The following PCDH15 variants were observed in gnomAD, a reference collection of about 807,000 sequenced individuals.
PCDH15 encodes the protein protocadherin related 15.
Under a neutral mutation model 178.5 loss-of-function variants are expected in PCDH15, and 129 were observed. The observed-to-expected ratio is 0.72, with a 90% CI of 0.63 to 0.84. The LOEUF is 0.84. Among genes scored for constraint, PCDH15 ranks in the 40% least tolerant of loss-of-function variants. PCDH15 has a pLI of 0.00. For synonymous variants in PCDH15, 800 were observed against 732.0 expected (o/e 1.09, Z -1.50); for missense variants, 2,230 against 2,099.9 (o/e 1.06, Z -1.21).
intron 3 of PCDH15, among the ~76,000 whole-genome samples, chr10:54,489,695 C>T (rs1443611869): frequency 2.0e-5 from 3 of 152,098 alleles, no homozygotes; most frequent in Non-Finnish European, 4.4e-5. Context: ...TATCCTTATA[C>T]TTATTTTTAA....
intron 3 of PCDH15, among the ~76,000 whole-genome samples, chr10:54,840,459 T>C (rs1179637418): frequency 2.0e-5 from 3 of 151,052 alleles, no homozygotes; most frequent in African/African-American, 7.3e-5. Flanking sequence ...AAAATATAAA[T>C]AGAGAAAAAT....
At chr10:55,075,087 T>C (rs917592177) in intron 2 of PCDH15, among the ~76,000 whole-genome samples, 1 of 152,172 alleles carries the variant, frequency 6.6e-6, no homozygotes, top group African/African-American at 2.4e-5. Flanking sequence ...TCTGTTTTTG[T>C]ACCAGTACCA....
At chr10:53,867,917 G>T (rs371973971) in intron 26 of PCDH15, among the ~76,000 whole-genome samples, 1 of 151,800 alleles carries the variant, frequency 6.6e-6, no homozygotes, top group South Asian at 2.1e-4. Flanking sequence ...TTTGTTCCTG[G>T]TGATAGGTAC....
chr10:54,181,579 G>T (rs2047990215), intron 13 of PCDH15, among the ~76,000 whole-genome samples: 1 of 151,864 alleles, frequency 6.6e-6, no homozygotes, highest in East Asian at 1.9e-4. Flanking sequence ...GTCTTTTGTT[G>T]CCATCAGCAG....
At chr10:53,915,346 C>A (rs751387282) in intron 25 of PCDH15, among the ~76,000 whole-genome samples, 16 of 152,150 alleles carry the variant, frequency 1.1e-4, no homozygotes, top group Non-Finnish European at 2.4e-4. Flanking sequence ...TTTTTATATA[C>A]TATTCATTTT....
At chr10:53,925,393 G>T (rs2084437988) in intron 25 of PCDH15, among the ~76,000 whole-genome samples, 1 of 152,192 alleles carries the variant, frequency 6.6e-6, no homozygotes. Context: ...GAACCCACCA[G>T]AAGGAAGAAA....
chr10:54,323,810 C>T (rs144617574), intron 7 of PCDH15, among the ~76,000 whole-genome samples: 66 of 147,264 alleles, frequency 4.5e-4, no homozygotes, highest in East Asian at 1.8e-3. Flanking sequence ...ATATGTACTC[C>T]CTGTGCTTAA....
At chr10:54,306,271 G>A (rs2060462198) in intron 8 of PCDH15, among the ~76,000 whole-genome samples, 1 of 151,724 alleles carries the variant, frequency 6.6e-6, no homozygotes, top group African/African-American at 2.4e-5. Context: ...TTTCATCAGG[G>A]GCCCTGTATT....
intron 11 of PCDH15, among the ~76,000 whole-genome samples, chr10:54,186,087 G>C (rs1474069698): frequency 6.6e-6 from 1 of 151,948 alleles, no homozygotes; most frequent in African/African-American, 2.4e-5. Flanking sequence ...AAGAAGGCTA[G>C]CACTGATGTC....
rs1450011545 is a variant in PCDH15, at chr10:54,881,600, A to T, written c.-29+15850T>A. 5.3e-5 allele frequency among the ~76,000 whole-genome samples: 8 copies of T among 152,160 alleles called. No homozygotes were observed. The East Asian group carries it at 1.5e-3, about 29-fold the overall frequency. Reference sequence around the variant, plus strand: ...TCCTGATGCAAAGACTTCAAAGTTAATTTGCTAAGTGGGACATCACAATTA... The same window carrying T: ...TCCTGATGCAAAGACTTCAAAGTTATTTTGCTAAGTGGGACATCACAATTA... On this transcript the variant is annotated intron_variant, in intron 3 of 5. Transcript: ENST00000458638.
chr10:55,158,078 G>GTATA (rs1176916491), intron 2 of PCDH15, among the ~76,000 whole-genome samples: 2,231 of 117,136 alleles, frequency 0.019, 54 homozygotes, highest in African/African-American at 0.07. Flanking sequence ...GTATGTGTGT[G>GTATA]TATATATATA....
Position 53,959,122 on chromosome 10 carries a change from A to G in PCDH15, c.3122+610T>C, listed in dbSNP as rs76979354. Among the ~76,000 whole-genome samples, 60 of 149,282 alleles carry G rather than the reference A, an allele frequency of 4.0e-4. No homozygotes were observed. The East Asian group carries it at 0.011, about 28-fold the overall frequency. ...ACTATAATATATAATATTGGTGTAT[A>G]TGCATATAGTGTATATATATAAATG... On this transcript the variant is annotated intron_variant, in intron 23 of 37. Transcript: ENST00000644397.
intron 1 of PCDH15, among the ~76,000 whole-genome samples, chr10:55,302,665 C>A (rs1234915271): frequency 1.3e-5 from 2 of 152,086 alleles, no homozygotes; most frequent in East Asian, 3.8e-4. Flanking sequence ...AAACGGTTAT[C>A]TCATCTCAAA....
At chr10:54,370,456 C>A (rs1443436925) in intron 4 of PCDH15, among the ~76,000 whole-genome samples, 3 of 151,826 alleles carry the variant, frequency 2.0e-5, no homozygotes, top group Non-Finnish European at 2.9e-5. Flanking sequence ...CTCAATACAA[C>A]CTGTGTGTTA....
At chr10:54,381,422 A>T (rs2135106568) in intron 3 of PCDH15, among the ~76,000 whole-genome samples, 1 of 152,282 alleles carries the variant, frequency 6.6e-6, no homozygotes, top group Middle Eastern at 3.4e-3. Flanking sequence ...CTCTGGGTGT[A>T]TTGGGATAAT....
At chr10:55,563,633 G>A (rs930019990) in intron 2 of PCDH15, among the ~76,000 whole-genome samples, 1 of 150,494 alleles carries the variant, frequency 6.6e-6, no homozygotes, top group African/African-American at 2.4e-5. Flanking sequence ...AACAGATAAA[G>A]CAAAATAGAG....
chr10:55,080,139 G>A (rs191346184), intron 2 of PCDH15, among the ~76,000 whole-genome samples: 51 of 152,194 alleles, frequency 3.4e-4, no homozygotes, highest in African/African-American at 1.1e-3. Context: ...TGGCCACAGC[G>A]GTGTGCACAG....
At chr10:54,542,614 C>T (rs11004362) in intron 2 of PCDH15, among the ~76,000 whole-genome samples, 18,258 of 152,240 alleles carry the variant, frequency 0.12, 1,366 homozygotes, top group East Asian at 0.36. Flanking sequence ...CTGATAACAC[C>T]TTCCTTAGAG....
chr10:53,988,496 A>G (rs1308397166), intron 21 of PCDH15, among the ~76,000 whole-genome samples: 1 of 152,158 alleles, frequency 6.6e-6, no homozygotes, highest in Non-Finnish European at 1.5e-5. Context: ...TCTGTGTTTG[A>G]TTGTAGGGCT....
Sources: gnomAD v4.1 joint callset for allele counts (sites outside exome capture counted in the v4.1 genomes callset) on GRCh38, gnomAD v4.1.1 for gene constraint, MANE v1.5 for transcripts, NCBI Gene and HGNC (gene_info 2026-07-23, HGNC 2026-07-21) for gene names.